TNNC2: variants seen among roughly 807,000 people sequenced by gnomAD.
The protein encoded by TNNC2 is troponin C, skeletal muscle.
A neutral mutation model predicts 20.0 loss-of-function variants in TNNC2; 14 were observed. The observed-to-expected ratio is 0.70, with a 90% confidence interval of 0.46 to 1.09. TNNC2 has a LOEUF of 1.09. Ranked by LOEUF, TNNC2 falls within the 50% of genes least tolerant of loss-of-function variation. The pLI is 0.00. For missense variants in TNNC2, 163 were observed against 223.8 expected, an observed-to-expected ratio of 0.73 and a Z score of 1.73; for synonymous variants, 81 against 77.3, an observed-to-expected ratio of 1.05 and a Z score of -0.25.
In TNNC2 at chr20:45,823,967, T is replaced by G. The variant is rs761028276; in HGVS notation, c.451+24A>C. 14 of 1,613,600 alleles carry G rather than the reference T, an allele frequency of 8.7e-6. No individual in the cohort carries two copies. The highest frequency in any genetic ancestry group is 1.2e-5 in the Non-Finnish European group (14 of 1,179,766). On this transcript the variant is annotated intron_variant, in intron 5 of 5. Coordinates refer to ENST00000372555, the MANE Select transcript of TNNC2 (RefSeq NM_003279.3). This position sits in a 1 kb window ranked among gnomAD's most constrained non-coding sequence, Gnocchi z 4.6. Reference sequence around the variant, plus strand: ...GTCCTCTGGGGCTCCCACCCGCTCTTCCCAAGCTCCCGTTGGCCCTCACCG... The same window carrying G: ...GTCCTCTGGGGCTCCCACCCGCTCTGCCCAAGCTCCCGTTGGCCCTCACCG...
At position 45,824,833 on chromosome 20, in the gene TNNC2, G is replaced by A. The variant is rs1256660603; in HGVS notation, c.5C>T (p.Thr2Met). ...GGACCTGGCCTCAGCCTGCTGGTCC[G>A]TCTGCAGGAGACACAGAGAAAGTCT... MTDQQAEARSYL... is the reference protein window; with the variant it reads MMDQQAEARSYL... The change falls in exon 2 of 6, where the codon ACG (threonine) becomes ATG (methionine). Residue 2 changes from threonine (T) to methionine (M), a missense_variant and splice_region_variant. By Grantham distance (81) the Thr-to-Met change is moderately conservative. Transcript: ENST00000372555. The A allele has an allele frequency of 2.5e-6, 4 of 1,614,024 alleles. No homozygotes were observed. Among genetic ancestry groups the A allele is most frequent in the Admixed American group, 3.3e-5 (2 of 60,002 alleles).
chr20:45,829,033 T>C (rs528314043), upstream of TNNC2, among the ~76,000 whole-genome samples: 1 of 152,116 alleles, frequency 6.6e-6, no homozygotes, highest in Non-Finnish European at 1.5e-5. Flanking sequence ...CAGGCTGGAA[T>C]GCAGTGGCAC....
At chr20:45,824,446 G>T in intron 3 of TNNC2, 40 bp from the exon 4 acceptor site, 1 of 1,611,388 alleles carries the variant, frequency 6.2e-7, no homozygotes, top group South Asian at 1.1e-5. Flanking sequence ...GAGCCCAGCC[G>T]CTGCCGCCTC....
chr20:45,830,966 C>T (rs1017696467), upstream of TNNC2, among the ~76,000 whole-genome samples: 3 of 150,174 alleles, frequency 2.0e-5, no homozygotes, highest in African/African-American at 7.4e-5. Context: ...GGCAACATGG[C>T]GAGACGCTGT....
chr20:45,827,355 C>T (rs568856192), upstream of TNNC2: 724 of 1,451,642 alleles, frequency 5.0e-4, 6 homozygotes, highest in Non-Finnish European at 1.9e-5. Context: ...GGGGCACCCT[C>T]CCCTCCCACC....
intron 1 of TNNC2, among the ~76,000 whole-genome samples, chr20:45,826,262 G>T (rs1260543785): frequency 6.6e-6 from 1 of 152,222 alleles, no homozygotes; most frequent in African/African-American, 2.4e-5. Context: ...TCAGGCCACA[G>T]ATCAGGCACT....
intron 1 of TNNC2, 77 bp from the exon 2 acceptor site, chr20:45,824,911 A>T (rs1982928874): frequency 6.5e-7 from 1 of 1,529,380 alleles, no homozygotes; most frequent in Non-Finnish European, 9.0e-7. Context: ...CATTCTTCCC[A>T]ACCCCCACTC....
At position 45,823,379 on chromosome 20, in the gene TNNC2, T is replaced by G. The variant is rs927589877; in HGVS notation, c.452A>C (p.Glu151Ala). Residue 151 changes from glutamate (E) to alanine (A), a missense_variant and splice_region_variant, in exon 6 of 6, where the codon GAG (glutamate) becomes GCG (alanine). Transcript: ENST00000372555. This position sits in a 1 kb window ranked among gnomAD's most constrained non-coding sequence, Gnocchi z 4.6. ...CACGCCCTCCATCATCTTCAGGAAC[T>G]CTGAGGGAAAGGAGAGGGAGAGGGT... ...KNNDGRIDFDEFLKMMEGVQ is the reference protein window; with the variant it reads ...KNNDGRIDFDAFLKMMEGVQ 1 of 1,592,546 alleles carries G rather than the reference T, an allele frequency of 6.3e-7. No homozygotes were observed. Among genetic ancestry groups the G allele is most frequent in the Non-Finnish European group, 8.5e-7 (1 of 1,170,100 alleles).
At position 45,823,482 on chromosome 20, in the gene TNNC2, T is replaced by C; in HGVS notation, c.452-103A>G. ...GGGGATGACTTTTTGTTTTTGTTTT[T>C]GTTGAGACAGAGTCTCACTCTGTTG... is the stretch of plus-strand genomic sequence containing the variant. On this transcript the variant is annotated intron_variant, in intron 5 of 5. Coordinates refer to ENST00000372555, the MANE Select transcript of TNNC2 (RefSeq NM_003279.3). This position sits in a 1 kb window ranked among gnomAD's most constrained non-coding sequence, Gnocchi z 4.6. 1.6e-6 allele frequency: 2 copies of C among 1,212,772 alleles called. No individual in the cohort carries two copies. Among genetic ancestry groups the C allele is most frequent in the Non-Finnish European group, 2.3e-6 (2 of 868,744 alleles). The allele number at this position is 1,212,772 out of a possible 1,614,324, so 75.1% of individuals were successfully genotyped here. A position where few individuals can be genotyped will look rare whatever the true frequency, so the allele number is the denominator to read the frequency against.
intron 1 of TNNC2, among the ~76,000 whole-genome samples, chr20:45,826,777 A>G (rs1433165342): frequency 6.6e-6 from 1 of 151,966 alleles, no homozygotes; most frequent in African/African-American, 2.4e-5. Context: ...GCCCCTTCCC[A>G]TCATCCTCAG....
In TNNC2 at chr20:45,823,870, TTGG is replaced by T; in HGVS notation, c.451+118_451+120del. 6.0e-6 allele frequency: 9 copies of T among 1,510,540 alleles called. No individual in the cohort carries two copies. Among genetic ancestry groups the T allele is most frequent in the Non-Finnish European group, 7.2e-6 (8 of 1,118,686 alleles). 93.6% of individuals were successfully genotyped at this position (1,510,540 alleles called of 1,614,324 possible). On this transcript the variant is annotated intron_variant, in intron 5 of 5. Transcript: ENST00000372555. The surrounding 1 kb of genome is among the most constrained non-coding windows in gnomAD (Gnocchi z 4.6). ...CTGCCCCCAGGAGACTATGGGGAACTTGGTGAAGTTACGCCCAGCCCAGCCCAC... is the reference window on the plus strand; with the variant it reads ...CTGCCCCCAGGAGACTATGGGGAACTTGAAGTTACGCCCAGCCCAGCCCAC...
In TNNC2 at chr20:45,823,381, TGA is replaced by T; in HGVS notation, c.452-4_452-3del. 1 of 1,592,456 alleles carries T rather than the reference TGA, an allele frequency of 6.3e-7. No individual in the cohort carries two copies. The highest frequency in any genetic ancestry group is 1.1e-5 in the South Asian group (1 of 87,138). On this transcript the variant is annotated splice_region_variant and splice_polypyrimidine_tract_variant and intron_variant, in intron 5 of 5. Coordinates refer to ENST00000372555, the MANE Select transcript of TNNC2 (RefSeq NM_003279.3). This position sits in a 1 kb window ranked among gnomAD's most constrained non-coding sequence, Gnocchi z 4.6. ...CGCCCTCCATCATCTTCAGGAACTC[TGA>T]GGGAAAGGAGAGGGAGAGGGTCAGG...
chr20:45,827,451 C>T, upstream of TNNC2: 1 of 615,454 alleles, frequency 1.6e-6, no homozygotes, highest in Non-Finnish European at 2.8e-6. Context: ...AACCCATTAC[C>T]TAATTTAGCC....
chr20:45,828,978 G>T (rs981380523), upstream of TNNC2, among the ~76,000 whole-genome samples: 2 of 151,886 alleles, frequency 1.3e-5, no homozygotes, highest in Non-Finnish European at 2.9e-5. Context: ...TTGTTTTTTG[G>T]TTTTTTGGGG....
chr20:45,828,764 G>C (rs993814417), upstream of TNNC2, among the ~76,000 whole-genome samples: 8 of 152,240 alleles, frequency 5.3e-5, no homozygotes, highest in East Asian at 1.5e-3. Flanking sequence ...CAAGACAACC[G>C]ATAGCAGGCT....
At chr20:45,829,561 C>T (rs1396231488), upstream of TNNC2, among the ~76,000 whole-genome samples, 5 of 151,654 alleles carry the variant, frequency 3.3e-5, no homozygotes, top group African/African-American at 1.2e-4. Flanking sequence ...GGGCGGATCA[C>T]GAGGTCAGGA....
intron 2 of TNNC2, among the ~76,000 whole-genome samples, chr20:45,832,691 T>A (rs983621563): frequency 6.6e-6 from 1 of 152,238 alleles, no homozygotes; most frequent in Non-Finnish European, 1.5e-5. Flanking sequence ...TTTATTGTAT[T>A]GTATAACTAT....
upstream of TNNC2, among the ~76,000 whole-genome samples, chr20:45,830,677 A>G (rs1983088267): frequency 6.6e-6 from 1 of 152,242 alleles, no homozygotes; most frequent in South Asian, 2.1e-4. Context: ...TATTCTACAT[A>G]AGAATAACTG....
chr20:45,826,005 A>ACCCCC (rs111300154), intron 1 of TNNC2, among the ~76,000 whole-genome samples: 44 of 144,002 alleles, frequency 3.1e-4, no homozygotes, highest in African/African-American at 7.4e-4. Context: ...CAAGTCGGGA[A>ACCCCC]CCCCCCCCAC....
Sources: allele counts gnomAD v4.1 joint callset (sites outside exome capture counted in the v4.1 genomes callset), GRCh38; gene constraint gnomAD v4.1.1; non-coding constraint Gnocchi (gnomAD v3.1); transcripts MANE v1.5; gene names NCBI Gene and HGNC (gene_info 2026-07-23, HGNC 2026-07-21).